Variants in UNC13C observed in about 807,000 individuals in gnomAD.
UNC13C encodes protein unc-13 homolog C.
UNC13C carries 174 observed loss-of-function variants against 245.4 expected under a neutral mutation model. That is an observed-to-expected ratio of 0.71 (90% confidence interval 0.63 to 0.80). The LOEUF (loss-of-function observed/expected upper bound fraction) is 0.80. Among genes scored for constraint, UNC13C ranks in the 30% least tolerant of loss-of-function variants. The pLI is 0.00. For missense variants in UNC13C, 2,829 were observed against 2,602.9 expected, an observed-to-expected ratio of 1.09 and a Z score of -1.89; for synonymous variants, 992 against 895.1, an observed-to-expected ratio of 1.11 and a Z score of -1.93.
chr15:54,042,751 G>A (rs1896861340), intron 2 of UNC13C, among the ~76,000 whole-genome samples: 1 of 152,142 alleles, frequency 6.6e-6, no homozygotes, highest in African/African-American at 2.4e-5. Context: ...TACTCGGGAG[G>A]CTGAAGTAGG....
At chr15:54,506,198 T>C (rs1000774615) in intron 22 of UNC13C, among the ~76,000 whole-genome samples, 1 of 152,198 alleles carries the variant, frequency 6.6e-6, no homozygotes, top group East Asian at 1.9e-4. Flanking sequence ...TTACAACGAT[T>C]GCCTAAAGTC....
chr15:53,872,374 G>T, the UNC13C span, among the ~76,000 whole-genome samples: 3 of 151,870 alleles, frequency 2.0e-5, no homozygotes, highest in Non-Finnish European at 4.4e-5. Context: ...CAGGTAAGGG[G>T]TTGGAGAAAT....
At chr15:54,341,907 C>T (rs945507613) in intron 17 of UNC13C, among the ~76,000 whole-genome samples, 4 of 150,140 alleles carry the variant, frequency 2.7e-5, no homozygotes, top group African/African-American at 7.4e-5. Context: ...ACCCGGGAGG[C>T]GGAGCTTGCA....
At chr15:54,073,645 T>C (rs1229593801) in intron 2 of UNC13C, among the ~76,000 whole-genome samples, 5 of 151,894 alleles carry the variant, frequency 3.3e-5, no homozygotes, top group Non-Finnish European at 1.5e-5. Flanking sequence ...ATGATGAGCA[T>C]TTTTTCATAT....
At chr15:54,520,564 AG>A (rs1163639438) in intron 24 of UNC13C, among the ~76,000 whole-genome samples, 1 of 152,136 alleles carries the variant, frequency 6.6e-6, no homozygotes, top group Non-Finnish European at 1.5e-5. Context: ...AGGGGAGTAC[AG>A]AGTAAAAAGA....
intron 2 of UNC13C, among the ~76,000 whole-genome samples, chr15:54,109,347 CTTTTTT>C (rs61446324): frequency 1.4e-5 from 1 of 74,010 alleles, no homozygotes; most frequent in Non-Finnish European, 2.4e-5. Flanking sequence ...TCTTTCTTTC[CTTTTTT>C]TTTTTTTTTT....
At chr15:54,218,804 A>AG (rs1018846946) in intron 4 of UNC13C, among the ~76,000 whole-genome samples, 4 of 151,950 alleles carry the variant, frequency 2.6e-5, no homozygotes, top group Non-Finnish European at 4.4e-5. Flanking sequence ...GAGCTTCAGG[A>AG]GGGGGACAGA....
intron 2 of UNC13C, among the ~76,000 whole-genome samples, chr15:54,134,580 C>T (rs1384989193): frequency 1.3e-5 from 2 of 151,992 alleles, no homozygotes; most frequent in East Asian, 1.9e-4. Context: ...AGTGCAGTGG[C>T]GCGATCTCAG....
intron 8 of UNC13C, among the ~76,000 whole-genome samples, chr15:54,252,944 A>C (rs1161819272): frequency 6.6e-6 from 1 of 152,194 alleles, no homozygotes. Context: ...ATTTCTACCC[A>C]TTACGCCATA....
At chr15:54,452,320 A>G (rs948199791) in intron 19 of UNC13C, among the ~76,000 whole-genome samples, 1 of 152,056 alleles carries the variant, frequency 6.6e-6, no homozygotes, top group Non-Finnish European at 1.5e-5. Flanking sequence ...GTGGCCCTGG[A>G]TAGTGCGTGG....
chr15:54,167,602 GA>G (rs35210236), intron 4 of UNC13C, among the ~76,000 whole-genome samples: 20,389 of 63,510 alleles, frequency 0.32, 1,498 homozygotes, highest in South Asian at 0.37. Flanking sequence ...ATCCAAATAG[GA>G]AAAAAAAAAA....
chr15:54,264,502 A>C, intron 9 of UNC13C, 107 bp downstream of exon 9: 1 of 887,108 alleles, frequency 1.1e-6, no homozygotes, highest in South Asian at 1.8e-5. Context: ...TTATTTTTTG[A>C]ATCATGTTAA....
At chr15:54,303,000 C>T (rs1425117677) in intron 13 of UNC13C, among the ~76,000 whole-genome samples, 1 of 151,898 alleles carries the variant, frequency 6.6e-6, no homozygotes, top group Non-Finnish European at 1.5e-5. Flanking sequence ...CATAGAATGT[C>T]CTTATGCTAA....
At chr15:54,362,576 C>T (rs1290126794) in intron 17 of UNC13C, among the ~76,000 whole-genome samples, 2 of 152,052 alleles carry the variant, frequency 1.3e-5, no homozygotes. Context: ...CAGTTTTTTT[C>T]CATTGCAGGG....
rs114562741 is a variant in UNC13C at position 54,072,279 on chromosome 15, T to C, written c.2983+56393T>C. On this transcript the variant is annotated intron_variant, in intron 2 of 32. Transcript: ENST00000260323. ...TGTCTGAGATGCCAAACGCCCAGCC[T>C]AAAATAAGCCTTCATTTAGAAAAAT... 6.6e-3 allele frequency among the ~76,000 whole-genome samples: 1,011 copies of C among 152,290 alleles called. 16 individuals carry two copies. Among genetic ancestry groups the C allele is most frequent in the African/African-American group, 0.024 (978 of 41,556 alleles).
intron 4 of UNC13C, among the ~76,000 whole-genome samples, chr15:54,165,118 C>T (rs2033119878): frequency 6.6e-6 from 1 of 151,970 alleles, no homozygotes; most frequent in Non-Finnish European, 1.5e-5. Context: ...TTCTAGTGTC[C>T]CCTTTCCCAC....
At chr15:54,503,891 TA>T (rs1402092559) in intron 22 of UNC13C, among the ~76,000 whole-genome samples, 1 of 152,172 alleles carries the variant, frequency 6.6e-6, no homozygotes, top group Non-Finnish European at 1.5e-5. Context: ...TATATTGATT[TA>T]AACAGTCTCC....
At chr15:54,144,245 A>T (rs1265684734) in intron 4 of UNC13C, among the ~76,000 whole-genome samples, 1 of 152,148 alleles carries the variant, frequency 6.6e-6, no homozygotes, top group Non-Finnish European at 1.5e-5. Context: ...CACTGGTATC[A>T]GTGTGGCATG....
At chr15:54,329,633 T>G (rs536564236) in intron 14 of UNC13C, among the ~76,000 whole-genome samples, 46 of 152,012 alleles carry the variant, frequency 3.0e-4, no homozygotes, top group Non-Finnish European at 5.7e-4. Context: ...AATAGAAATG[T>G]TGTAAATAAA....
Sources: gnomAD v4.1 joint callset for allele counts (sites outside exome capture counted in the v4.1 genomes callset) on GRCh38, gnomAD v4.1.1 for gene constraint, MANE v1.5 for transcripts, NCBI Gene and HGNC (gene_info 2026-07-23, HGNC 2026-07-21) for gene names.